The following TRMT11 variants were observed in gnomAD, a reference collection of about 807,000 sequenced individuals.
TRMT11 encodes the protein tRNA (guanine(10)-N(2))-methyltransferase TRMT11.
TRMT11 carries 53 observed loss-of-function variants against 62.8 expected under a neutral mutation model. The ratio of observed to expected loss-of-function variants is 0.84; its 90% CI spans 0.68 to 1.06. The LOEUF is 1.06. TRMT11 is among the 50% of genes least tolerant of loss of function. The pLI is 0.00. For missense variants in TRMT11, 556 were observed against 553.4 expected (o/e 1.00, Z -0.05); for synonymous variants, 188 against 190.3 (o/e 0.99, Z 0.10).
Position 126,049,055 on chromosome 6 carries a change from T to C in TRMT11, c.*1370-4068T>C, listed in dbSNP as rs60943674. Among the ~76,000 whole-genome samples, 584 of 152,334 alleles carry C rather than the reference T, an allele frequency of 3.8e-3. 5 individuals carry two copies. The highest frequency in any genetic ancestry group is 0.013 in the African/African-American group (543 of 41,568). ...TACAGTCAAGACATTTGACAGACTT[T>C]CCATACTTCCTGCCATCCACAGGCA... On this transcript the variant is annotated intron_variant and NMD_transcript_variant, in intron 16 of 22. Transcript: ENST00000648977.
At chr6:126,181,350 G>A (rs186323403) in intron 1 of TRMT11, among the ~76,000 whole-genome samples, 40 of 152,262 alleles carry the variant, frequency 2.6e-4, no homozygotes, top group African/African-American at 9.6e-4. Flanking sequence ...AGTTGGAAGT[G>A]CATGTGATAA....
chr6:126,163,271 G>T (rs184940588), intron 21 of TRMT11, among the ~76,000 whole-genome samples: 1 of 152,200 alleles, frequency 6.6e-6, no homozygotes, highest in East Asian at 1.9e-4. Context: ...AGCGTGAAGG[G>T]GTGTTGAATT....
chr6:126,253,741 A>AT, the TRMT11 span, among the ~76,000 whole-genome samples: 1 of 152,084 alleles, frequency 6.6e-6, no homozygotes, highest in Non-Finnish European at 1.5e-5. Flanking sequence ...ACACTGTAGG[A>AT]TTTTTCTTCA....
chr6:126,110,572 A>G (rs1030905565), intron 17 of TRMT11, among the ~76,000 whole-genome samples: 23 of 152,200 alleles, frequency 1.5e-4, no homozygotes, highest in African/African-American at 5.3e-4. Context: ...AATTTAAGCA[A>G]TGTTTCTGGA....
intron 12 of TRMT11, 65 bp from the exon 13 acceptor site, chr6:126,038,640 C>G: frequency 7.0e-7 from 1 of 1,425,934 alleles, no homozygotes; most frequent in Non-Finnish European, 9.3e-7. Flanking sequence ...TTAAGGTAAA[C>G]AACTGCTTTG....
At position 126,193,949 on chromosome 6, in the gene TRMT11, ATGT is replaced by A. The variant is rs556340405; in HGVS notation, n.144-4845_144-4843del. Among the ~76,000 whole-genome samples, 8 of 152,288 alleles carry A rather than the reference ATGT, an allele frequency of 5.3e-5. No individual in the cohort carries two copies. In the South Asian group the frequency reaches 1.7e-3, roughly 32 times the overall value. On this transcript the variant is annotated intron_variant and non_coding_transcript_variant, in intron 1 of 3. Transcript: ENST00000444229. ...ATTGACCCATTAGATGTTCAGGAAC[ATGT>A]TGTTTAATTTCCATGTGTTTGTATT...
intron 12 of TRMT11, among the ~76,000 whole-genome samples, chr6:126,025,649 C>T (rs1321115857): frequency 6.6e-6 from 1 of 152,186 alleles, no homozygotes; most frequent in Non-Finnish European, 1.5e-5. Flanking sequence ...AGCAAGATCT[C>T]AATCCTTTAT....
chr6:126,056,481 G>A (rs1583849123), intron 17 of TRMT11, among the ~76,000 whole-genome samples: 1 of 152,116 alleles, frequency 6.6e-6, no homozygotes, highest in Non-Finnish European at 1.5e-5. Flanking sequence ...AGCCAGAAGC[G>A]GTAGCCTCTC....
At chr6:126,170,755 G>T (rs909217121) in intron 21 of TRMT11, among the ~76,000 whole-genome samples, 2 of 151,996 alleles carry the variant, frequency 1.3e-5, no homozygotes, top group African/African-American at 4.8e-5. Context: ...CTCTTTGGGG[G>T]TTTTTCCAGG....
the TRMT11 span, among the ~76,000 whole-genome samples, chr6:126,209,513 G>A: frequency 6.6e-6 from 1 of 151,638 alleles, no homozygotes; most frequent in African/African-American, 2.4e-5. Context: ...AAGGTCAGGA[G>A]ATCGAGACCA....
intron 21 of TRMT11, among the ~76,000 whole-genome samples, chr6:126,127,089 G>A (rs1032359692): frequency 2.0e-4 from 31 of 152,078 alleles, no homozygotes; most frequent in Admixed American, 6.6e-4. Flanking sequence ...GTTGATGACC[G>A]GTCTCCTTCT....
chr6:126,194,563 A>T (rs990419156), intron 1 of TRMT11, among the ~76,000 whole-genome samples: 2 of 152,174 alleles, frequency 1.3e-5, no homozygotes, highest in Admixed American at 6.5e-5. Flanking sequence ...AAACTTTGGA[A>T]CTGCTCTAAA....
chr6:126,030,803 G>A (rs1774055527), intron 12 of TRMT11, among the ~76,000 whole-genome samples: 1 of 152,216 alleles, frequency 6.6e-6, no homozygotes, highest in Admixed American at 6.5e-5. Context: ...TCTGCTGAAT[G>A]ACTATAGAGC....
upstream of TRMT11, among the ~76,000 whole-genome samples, chr6:126,173,578 A>G (rs1778353854): frequency 6.6e-6 from 1 of 152,198 alleles, no homozygotes; most frequent in Non-Finnish European, 1.5e-5. Context: ...GACCCCAGAG[A>G]TGAGAAGCAT....
chr6:126,157,390 C>A (rs1159619184), intron 21 of TRMT11, among the ~76,000 whole-genome samples: 1 of 152,150 alleles, frequency 6.6e-6, no homozygotes, highest in Non-Finnish European at 1.5e-5. Context: ...AACCCTTTTC[C>A]TCCTCAAGAA....
chr6:126,146,810 G>A (rs770406382), intron 21 of TRMT11, among the ~76,000 whole-genome samples: 2 of 152,104 alleles, frequency 1.3e-5, no homozygotes, highest in Non-Finnish European at 2.9e-5. Context: ...GAGCCACTGC[G>A]CCCAGCCTAA....
At chr6:126,217,442 G>A in the TRMT11 span, among the ~76,000 whole-genome samples, 1 of 152,196 alleles carries the variant, frequency 6.6e-6, no homozygotes, top group African/African-American at 2.4e-5. Context: ...CACTGTGGCA[G>A]TATCTGCATT....
intron 1 of TRMT11, among the ~76,000 whole-genome samples, chr6:126,183,596 G>C (rs1034616919): frequency 7.2e-5 from 11 of 152,156 alleles, no homozygotes; most frequent in Non-Finnish European, 1.5e-4. Context: ...GCTAAATGCT[G>C]GGGGAGTTTA....
intron 7 of TRMT11, 130 bp downstream of exon 7, chr6:125,999,743 C>A: frequency 2.8e-6 from 2 of 706,934 alleles, no homozygotes; most frequent in Non-Finnish European, 4.6e-6. Flanking sequence ...GGCCAACAGA[C>A]AACCACATAC....
Sources: allele counts gnomAD v4.1 joint callset (sites outside exome capture counted in the v4.1 genomes callset), GRCh38; gene constraint gnomAD v4.1.1; transcripts MANE v1.5; gene names NCBI Gene and HGNC (gene_info 2026-07-23, HGNC 2026-07-21).